GDF11: variants seen among roughly 807,000 people sequenced by gnomAD.
GDF11 encodes growth differentiation factor 11.
Under a neutral mutation model 34.4 loss-of-function variants are expected in GDF11, and 12 were observed. The ratio of observed to expected loss-of-function variants is 0.35; its 90% CI spans 0.22 to 0.57. The LOEUF (loss-of-function observed/expected upper bound fraction) is 0.57. Ranked by LOEUF, GDF11 falls within the 20% of genes least tolerant of loss-of-function variation. GDF11 has a pLI of 0.86. For synonymous variants in GDF11, 212 were observed against 231.1 expected (o/e 0.92, Z 0.75); for missense variants, 346 against 548.2 (o/e 0.63, Z 3.68).
chr12:55,746,033 G>A, intron 1 of GDF11, among the ~76,000 whole-genome samples: 1 of 152,068 alleles, frequency 6.6e-6, no homozygotes, highest in East Asian at 1.9e-4. Flanking sequence ...AGGGGGTTGG[G>A]CATTTGCTGA....
chr12:55,756,133 G>T lies in GDF11; in HGVS notation c.*6251G>T, dbSNP rs1445227816. 9.9e-5 allele frequency: 15 copies of T among 152,218 alleles called. No individual in the cohort carries two copies. Among genetic ancestry groups the T allele is most frequent in the Admixed American group, 9.8e-4 (15 of 15,274 alleles). The allele number at this position is 152,218 out of a possible 1,614,324, so 9.4% of individuals were successfully genotyped here. A position where few individuals can be genotyped will look rare whatever the true frequency, so the allele number is the denominator to read the frequency against. Reference sequence around the variant, plus strand: ...TAGAGAGAGGAAAAGCTAGCCCCAAGATCAGAGCCTGAGGTAAAGAAAAGG... The same window carrying T: ...TAGAGAGAGGAAAAGCTAGCCCCAATATCAGAGCCTGAGGTAAAGAAAAGG... On this transcript the variant is annotated 3_prime_UTR_variant, in exon 3 of 3. Coordinates refer to ENST00000257868, the MANE Select transcript of GDF11 (RefSeq NM_005811.5).
At chr12:55,746,663 G>C (rs977543842) in intron 1 of GDF11, among the ~76,000 whole-genome samples, 1 of 152,220 alleles carries the variant, frequency 6.6e-6, no homozygotes, top group Non-Finnish European at 1.5e-5. Flanking sequence ...TATGTTTAGA[G>C]CTTAGTAGAG....
Position 55,751,500 on chromosome 12 carries a change from T to TA in GDF11, c.*1619dup, listed in dbSNP as rs1878320549. ...AGCCAAGAGATGAATTCTGAGCACT[T>TA]ACCACGGGCACTTTATGGACATAAA... On this transcript the variant is annotated 3_prime_UTR_variant, in exon 3 of 3. Transcript: ENST00000257868. 6.6e-6 allele frequency: 1 copy of TA among 152,278 alleles called. No homozygotes were observed. The highest frequency in any genetic ancestry group is 1.5e-5 in the Non-Finnish European group (1 of 68,104). The allele number at this position is 152,278 out of a possible 1,614,324, so 9.4% of individuals were successfully genotyped here.
chr12:55,746,130 G>T (rs1203146893), intron 1 of GDF11, among the ~76,000 whole-genome samples: 1 of 152,142 alleles, frequency 6.6e-6, no homozygotes, highest in Non-Finnish European at 1.5e-5. Flanking sequence ...ATTCAACACA[G>T]ATGTGGCCCC....
At position 55,748,708 on chromosome 12, in the gene GDF11, C is replaced by T; in HGVS notation, c.568C>T (p.Pro190Ser). Residue 190 changes from proline (P) to serine (S), a missense_variant, in exon 2 of 3, where the codon CCA becomes TCA. Coordinates refer to ENST00000257868, the MANE Select transcript of GDF11 (RefSeq NM_005811.5). The surrounding 1 kb of genome is among the most constrained non-coding windows in gnomAD (Gnocchi z 5.6). ...GGTGTACCTACGGCCTGTACCCCGC[C>T]CAGCCACAGTCTACCTGCAGATCTT... ...LWVYLRPVPR[P>S]ATVYLQILRL... 4 of 1,614,264 alleles carry T rather than the reference C, an allele frequency of 2.5e-6. No homozygotes were observed. The highest frequency in any genetic ancestry group is 3.4e-6 in the Non-Finnish European group (4 of 1,180,054).
intron 1 of GDF11, among the ~76,000 whole-genome samples, chr12:55,744,415 C>T (rs1024939313): frequency 6.6e-6 from 1 of 152,176 alleles, no homozygotes; most frequent in East Asian, 1.9e-4. Context: ...GCGCTGGGGG[C>T]TAAGGACACT....
At position 55,750,154 on chromosome 12, in the gene GDF11, A is replaced by C; in HGVS notation, c.*272A>C. The C allele has an allele frequency of 2.3e-6, 1 of 443,626 alleles. No individual in the cohort carries two copies. Among genetic ancestry groups the C allele is most frequent in the Non-Finnish European group, 4.1e-6 (1 of 245,822 alleles). The allele number at this position is 443,626 out of a possible 1,614,324, so 27.5% of individuals were successfully genotyped here. A position where few individuals can be genotyped will look rare whatever the true frequency, so the allele number is the denominator to read the frequency against. ...CAAAAAGACAGAGAGATGTAGAGAC[A>C]GTGATAGAGACAGAGGAACAAAAAG... On this transcript the variant is annotated 3_prime_UTR_variant, in exon 3 of 3. Coordinates refer to ENST00000257868, the MANE Select transcript of GDF11 (RefSeq NM_005811.5).
rs549155841 is a variant in GDF11, at chr12:55,751,804, G to C, written c.*1922G>C. 6.6e-6 allele frequency: 1 copy of C among 152,174 alleles called. No homozygotes were observed. Among genetic ancestry groups the C allele is most frequent in the Non-Finnish European group, 1.5e-5 (1 of 68,052 alleles). 9.4% of individuals were successfully genotyped at this position (152,174 alleles called of 1,614,324 possible). On this transcript the variant is annotated 3_prime_UTR_variant, in exon 3 of 3. Transcript: ENST00000257868. ...CTCTAAGTAGAGCCAGCAGTTACGG[G>C]TCTGATAAAAACAGTACTGAACTAA...
Position 55,751,723 on chromosome 12 carries a change from A to C in GDF11, c.*1841A>C, listed in dbSNP as rs1878328144. On this transcript the variant is annotated 3_prime_UTR_variant, in exon 3 of 3. Coordinates refer to ENST00000257868, the MANE Select transcript of GDF11 (RefSeq NM_005811.5). ...ACCACCAGGCCTCTTGGCTCCAGGC[A>C]AGAGCTTAGAGGATGTCAGGAGAGG... The C allele has an allele frequency of 6.6e-6, 1 of 152,202 alleles. No homozygotes were observed. Among genetic ancestry groups the C allele is most frequent in the Non-Finnish European group, 1.5e-5 (1 of 68,036 alleles). The allele number at this position is 152,202 out of a possible 1,614,324, so 9.4% of individuals were successfully genotyped here.
In GDF11 at chr12:55,756,176, G is replaced by A; in HGVS notation, c.*6294G>A. On this transcript the variant is annotated 3_prime_UTR_variant, in exon 3 of 3. Coordinates refer to ENST00000257868, the MANE Select transcript of GDF11 (RefSeq NM_005811.5). ...AGAAAAGGAAGGCAGACAGAAAAGAGGGAAAAGGGAAGGTCATTCCAATTT... is the reference window on the plus strand; with the variant it reads ...AGAAAAGGAAGGCAGACAGAAAAGAAGGAAAAGGGAAGGTCATTCCAATTT... 1 of 152,178 alleles carries A rather than the reference G, an allele frequency of 6.6e-6. No individual in the cohort carries two copies. Among genetic ancestry groups the A allele is most frequent in the East Asian group, 1.9e-4 (1 of 5,202 alleles). 9.4% of individuals were successfully genotyped at this position (152,178 alleles called of 1,614,324 possible). A position where few individuals can be genotyped will look rare whatever the true frequency, so the allele number is the denominator to read the frequency against.
rs1036883235 is a variant in GDF11, at chr12:55,751,208, T to C, written c.*1326T>C. On this transcript the variant is annotated 3_prime_UTR_variant, in exon 3 of 3. Transcript: ENST00000257868. ...GCAGAGTGTATAATTATTTTTTCCT[T>C]TTATTTTTGGAATCTAACAGTACCT... 2 of 152,226 alleles carry C rather than the reference T, an allele frequency of 1.3e-5. No individual in the cohort carries two copies. The highest frequency in any genetic ancestry group is 4.8e-5 in the African/African-American group (2 of 41,410). The allele number at this position is 152,226 out of a possible 1,614,324, so 9.4% of individuals were successfully genotyped here.
rs1023407681 is a variant in GDF11, at chr12:55,753,859, A to T, written c.*3977A>T. 4 of 151,148 alleles carry T rather than the reference A, an allele frequency of 2.6e-5. No homozygotes were observed. The highest frequency in any genetic ancestry group is 9.8e-5 in the African/African-American group (4 of 40,938). The allele number at this position is 151,148 out of a possible 1,614,324, so 9.4% of individuals were successfully genotyped here. ...CTATTCAGGAGGCTGTGGCAGGAGGACCACTTGAGGCCAGAGGGTCAAGGC... is the reference window on the plus strand; with the variant it reads ...CTATTCAGGAGGCTGTGGCAGGAGGTCCACTTGAGGCCAGAGGGTCAAGGC... On this transcript the variant is annotated 3_prime_UTR_variant, in exon 3 of 3. Transcript: ENST00000257868.
At position 55,749,765 on chromosome 12, in the gene GDF11, G is replaced by A. The variant is rs759948005; in HGVS notation, c.1107G>A (p.Gly369=). Residue 369 remains glycine (G), a synonymous_variant, in exon 3 of 3, where the codon GGG becomes GGA. Coordinates refer to ENST00000257868, the MANE Select transcript of GDF11 (RefSeq NM_005811.5). This position sits in a 1 kb window ranked among gnomAD's most constrained non-coding sequence, Gnocchi z 5.6. ...AGGCCAATCCAAGAGGCTCTGCTGG[G>A]CCCTGTTGTACCCCCACCAAGATGT... ...VQQANPRGSA[G]PCCTPTKMSP... 1.2e-6 allele frequency: 2 copies of A among 1,614,094 alleles called. No individual in the cohort carries two copies. Among genetic ancestry groups the A allele is most frequent in the Non-Finnish European group, 8.5e-7 (1 of 1,180,018 alleles).
rs1878222869 is a variant in GDF11 at position 55,748,143 on chromosome 12, G to A, written c.446-443G>A. 6.6e-6 allele frequency among the ~76,000 whole-genome samples: 1 copy of A among 152,200 alleles called. No homozygotes were observed. Among genetic ancestry groups the A allele is most frequent in the African/African-American group, 2.4e-5 (1 of 41,442 alleles). On this transcript the variant is annotated intron_variant, in intron 1 of 2. Coordinates refer to ENST00000257868, the MANE Select transcript of GDF11 (RefSeq NM_005811.5). This position sits in a 1 kb window ranked among gnomAD's most constrained non-coding sequence, Gnocchi z 5.6. Reference sequence around the variant, plus strand: ...GTGTTATTTTGTGGGGGAGGGATGTGCCAGGCTCTACCTGTCCAGCAGATA... The same window carrying A: ...GTGTTATTTTGTGGGGGAGGGATGTACCAGGCTCTACCTGTCCAGCAGATA...
rs529877011 is a variant in GDF11, at chr12:55,743,884, C to T, written c.445+123C>T. 36 of 750,612 alleles carry T rather than the reference C, an allele frequency of 4.8e-5. No homozygotes were observed. The Admixed American group carries it at 1.1e-3, about 23-fold the overall frequency. 46.5% of individuals were successfully genotyped at this position (750,612 alleles called of 1,614,324 possible). Reference sequence around the variant, plus strand: ...GGAAGCTTTTTCTGCGAAAACTTGACGAATTAGGGAGCGGGGGCTACTTCA... The same window carrying T: ...GGAAGCTTTTTCTGCGAAAACTTGATGAATTAGGGAGCGGGGGCTACTTCA... On this transcript the variant is annotated intron_variant, in intron 1 of 2. Coordinates refer to ENST00000257868, the MANE Select transcript of GDF11 (RefSeq NM_005811.5).
Position 55,749,952 on chromosome 12 carries a change from A to C in GDF11, c.*70A>C. On this transcript the variant is annotated 3_prime_UTR_variant, in exon 3 of 3. Coordinates refer to ENST00000257868, the MANE Select transcript of GDF11 (RefSeq NM_005811.5). The surrounding 1 kb of genome is among the most constrained non-coding windows in gnomAD (Gnocchi z 5.6). ...CCCCTAGCCCTGCCCCCATCCCCCC[A>C]AGCCCTAGAGCTCCCTCCACTCTTC... 1 of 1,339,884 alleles carries C rather than the reference A, an allele frequency of 7.5e-7. No homozygotes were observed. Among genetic ancestry groups the C allele is most frequent in the Non-Finnish European group, 1.0e-6 (1 of 965,604 alleles). The allele number at this position is 1,339,884 out of a possible 1,614,324, so 83.0% of individuals were successfully genotyped here.
At position 55,749,908 on chromosome 12, in the gene GDF11, C is replaced by G. The variant is rs200099771; in HGVS notation, c.*26C>G. ...GGTGGGGGATAGAGGATGCCTCCCC[C>G]ACAGACCCTACCCCAAGACCCCTAG... is the stretch of plus-strand genomic sequence containing the variant. On this transcript the variant is annotated 3_prime_UTR_variant, in exon 3 of 3. Transcript: ENST00000257868. This position sits in a 1 kb window ranked among gnomAD's most constrained non-coding sequence, Gnocchi z 5.6. 9 of 1,582,692 alleles carry G rather than the reference C, an allele frequency of 5.7e-6. No individual in the cohort carries two copies. Among genetic ancestry groups the G allele is most frequent in the Non-Finnish European group, 7.8e-6 (9 of 1,160,876 alleles).
In GDF11 at chr12:55,749,694, G is replaced by A. The variant is rs756132179; in HGVS notation, c.1036G>A (p.Glu346Lys). The change falls in exon 3 of 3, where the codon GAG (glutamate) becomes AAG (lysine). Residue 346 changes from glutamate (E) to lysine (K), a missense_variant. This residue lies in a region of GDF11 where 205 missense variants were observed against 311.3 expected (regional missense o/e 0.66). Transcript: ENST00000257868. This position sits in a 1 kb window ranked among gnomAD's most constrained non-coding sequence, Gnocchi z 5.6. The stretch of plus-strand genomic sequence containing the variant: ...GGCCAACTACTGCTCCGGCCAGTGC[G>A]AGTACATGTTCATGCAAAAATATCC... ...YKANYCSGQC[E>K]YMFMQKYPHT... 1.9e-6 allele frequency: 3 copies of A among 1,614,122 alleles called. No individual in the cohort carries two copies. The highest frequency in any genetic ancestry group is 1.7e-5 in the Admixed American group (1 of 60,010).
rs369047652 is a variant in GDF11 at position 55,746,342 on chromosome 12, T to G, written c.446-2244T>G. Reference sequence around the variant, plus strand: ...ACTCCTTTCTATCACTGCCTCTGCATCAGGATTCTCAAACTCTCAAACTTA... The same window carrying G: ...ACTCCTTTCTATCACTGCCTCTGCAGCAGGATTCTCAAACTCTCAAACTTA... On this transcript the variant is annotated intron_variant, in intron 1 of 2. Transcript: ENST00000257868. Among the ~76,000 whole-genome samples the G allele has an allele frequency of 3.2e-4, 49 of 152,338 alleles. No individual in the cohort carries two copies. In the East Asian group the frequency reaches 8.5e-3, roughly 26 times the overall value.
Sources: allele counts gnomAD v4.1 joint callset (sites outside exome capture counted in the v4.1 genomes callset), GRCh38; gene constraint gnomAD v4.1.1; regional missense constraint gnomAD v4.1.1; non-coding constraint Gnocchi (gnomAD v3.1); transcripts MANE v1.5; gene names NCBI Gene and HGNC (gene_info 2026-07-23, HGNC 2026-07-21).